Variants in CTR9 observed in about 807,000 individuals in gnomAD.
The protein encoded by CTR9 is RNA polymerase-associated protein CTR9 homolog.
CTR9 carries 41 observed loss-of-function variants against 152.1 expected under a neutral mutation model. The observed-to-expected ratio is 0.27, with a 90% confidence interval of 0.21 to 0.35. The LOEUF is 0.35. Ranked by LOEUF, CTR9 falls within the 10% of genes least tolerant of loss-of-function variation. The pLI, the probability that CTR9 is intolerant of heterozygous loss-of-function variation, is 1.00. For missense variants in CTR9, 917 were observed against 1,424.4 expected, an observed-to-expected ratio of 0.64 and a Z score of 5.73; for synonymous variants, 476 against 496.2, an observed-to-expected ratio of 0.96 and a Z score of 0.54.
At position 10,768,345 on chromosome 11, in the gene CTR9, G is replaced by A; in HGVS notation, c.1963G>A (p.Ala655Thr). The A allele has an allele frequency of 1.2e-6, 2 of 1,610,078 alleles. No individual in the cohort carries two copies. The highest frequency in any genetic ancestry group is 8.5e-7 in the Non-Finnish European group (1 of 1,178,948). Reference sequence around the variant, plus strand: ...TGTGAACCTTTTTATATCTTTAGGAGCTGTTTTGGCCCACAAAGGATATTT... The same window carrying A: ...TGTGAACCTTTTTATATCTTTAGGAACTGTTTTGGCCCACAAAGGATATTT... ...KNLYAANGIG[A>T]VLAHKGYFRE... Residue 655 changes from alanine to threonine, a missense_variant and splice_region_variant, in exon 16 of 25, where the codon GCT becomes ACT. Coordinates refer to ENST00000361367, the MANE Select transcript of CTR9 (RefSeq NM_014633.5).
rs1335425125 is a variant in CTR9, at chr11:10,779,328, CA to C, written c.*224del. On this transcript the variant is annotated 3_prime_UTR_variant, in exon 25 of 25. Transcript: ENST00000361367. The stretch of plus-strand genomic sequence containing the variant: ...GAGACTATTCTTTGTGGTACAATTC[CA>C]CCTATCATATGTGAAAACTGCAGTA... 1 of 490,120 alleles carries C rather than the reference CA, an allele frequency of 2.0e-6. No individual in the cohort carries two copies. The allele number at this position is 490,120 out of a possible 1,614,324, so 30.4% of individuals were successfully genotyped here. A position where few individuals can be genotyped will look rare whatever the true frequency, so the allele number is the denominator to read the frequency against.
intron 3 of CTR9, 52 bp from the exon 4 acceptor site, chr11:10,755,626 A>G: frequency 8.8e-7 from 1 of 1,140,250 alleles, no homozygotes; most frequent in African/African-American, 1.5e-5. Context: ...CTTTAGTGTT[A>G]CATGTTCATG....
intron 24 of CTR9, among the ~76,000 whole-genome samples, chr11:10,775,843 CTG>C (rs757301634): frequency 6.6e-5 from 10 of 152,252 alleles, no homozygotes; most frequent in Non-Finnish European, 1.5e-4. Context: ...TTCTTAGAAT[CTG>C]AGAGCTGGAA....
In CTR9 at chr11:10,773,124, T is replaced by G; in HGVS notation, c.2581-3T>G. ...GTTTCTTTTCTACCATTTTTCCTCATAGGAAGAGAAACGTCTCAGAGAAAA... is the reference window on the plus strand; with the variant it reads ...GTTTCTTTTCTACCATTTTTCCTCAGAGGAAGAGAAACGTCTCAGAGAAAA... On this transcript the variant is annotated splice_polypyrimidine_tract_variant and splice_region_variant and intron_variant, in intron 20 of 24. Coordinates refer to ENST00000361367, the MANE Select transcript of CTR9 (RefSeq NM_014633.5). 1 of 1,590,824 alleles carries G rather than the reference T, an allele frequency of 6.3e-7. No individual in the cohort carries two copies. The highest frequency in any genetic ancestry group is 8.5e-7 in the Non-Finnish European group (1 of 1,174,676).
intron 18 of CTR9, 40 bp from the exon 19 acceptor site, chr11:10,771,505 C>T (rs777985712): frequency 7.2e-7 from 1 of 1,380,932 alleles, no homozygotes; most frequent in Admixed American, 1.7e-5. Context: ...TCATTAGAAT[C>T]TCTTTTTTTA....
At chr11:10,771,739 CT>C in intron 19 of CTR9, 123 bp downstream of exon 19, 1 of 656,736 alleles carries the variant, frequency 1.5e-6, no homozygotes, top group East Asian at 2.6e-5. Context: ...TCACACTTCT[CT>C]TGGGGACTCT....
intron 13 of CTR9, 24 bp downstream of exon 13, chr11:10,766,514 T>G (rs769347073): frequency 3.4e-6 from 5 of 1,475,694 alleles, no homozygotes; most frequent in African/African-American, 2.9e-5. Context: ...ACTCTTAGGT[T>G]TGAGAAATAA....
Position 10,779,418 on chromosome 11 carries a change from A to C in CTR9, c.*313A>C, listed in dbSNP as rs901489867. On this transcript the variant is annotated 3_prime_UTR_variant, in exon 25 of 25. Coordinates refer to ENST00000361367, the MANE Select transcript of CTR9 (RefSeq NM_014633.5). Reference sequence around the variant, plus strand: ...TGACTGAAACTGTGGCAGATGTCTCATCTTCTTTATATGTTAAGCAGCATA... The same window carrying C: ...TGACTGAAACTGTGGCAGATGTCTCCTCTTCTTTATATGTTAAGCAGCATA... The C allele has an allele frequency of 3.1e-5, 8 of 261,796 alleles. No individual in the cohort carries two copies. Among genetic ancestry groups the C allele is most frequent in the Non-Finnish European group, 5.2e-5 (7 of 135,864 alleles). The allele number at this position is 261,796 out of a possible 1,614,324, so 16.2% of individuals were successfully genotyped here.
chr11:10,751,279 G>C lies in CTR9; in HGVS notation c.-134G>C. The C allele has an allele frequency of 1.1e-6, 1 of 916,464 alleles. No homozygotes were observed. The highest frequency in any genetic ancestry group is 1.7e-6 in the Non-Finnish European group (1 of 585,400). The allele number at this position is 916,464 out of a possible 1,614,324, so 56.8% of individuals were successfully genotyped here. On this transcript the variant is annotated 5_prime_UTR_variant, in exon 1 of 25. Coordinates refer to ENST00000361367, the MANE Select transcript of CTR9 (RefSeq NM_014633.5). The stretch of plus-strand genomic sequence containing the variant: ...AGCGGCTGACGGGAAGGAGAAGCCA[G>C]AGCTCCAGCGGCGCCGCGGGGCGGC...
In CTR9 at chr11:10,751,315, A is replaced by T. The variant is rs1486474127; in HGVS notation, c.-98A>T. On this transcript the variant is annotated 5_prime_UTR_variant, in exon 1 of 25. Coordinates refer to ENST00000361367, the MANE Select transcript of CTR9 (RefSeq NM_014633.5). Reference sequence around the variant, plus strand: ...GCGCCGCGGGGCGGCAGTCAAGACCAGAGCCGGAGCCGTCACTCACCTCTG... The same window carrying T: ...GCGCCGCGGGGCGGCAGTCAAGACCTGAGCCGGAGCCGTCACTCACCTCTG... 1.1e-5 allele frequency: 15 copies of T among 1,321,002 alleles called. No homozygotes were observed. Among genetic ancestry groups the T allele is most frequent in the Non-Finnish European group, 1.4e-5 (13 of 923,076 alleles). The allele number at this position is 1,321,002 out of a possible 1,614,324, so 81.8% of individuals were successfully genotyped here. A position where few individuals can be genotyped will look rare whatever the true frequency, so the allele number is the denominator to read the frequency against.
At chr11:10,764,852 A>G in intron 12 of CTR9, 121 bp downstream of exon 12, 1 of 879,566 alleles carries the variant, frequency 1.1e-6, no homozygotes, top group Non-Finnish European at 1.7e-6. Context: ...TAATGTCCCC[A>G]TTTCTCCAGG....
chr11:10,771,179 G>T (rs1863137780), intron 18 of CTR9, among the ~76,000 whole-genome samples: 1 of 152,132 alleles, frequency 6.6e-6, no homozygotes, highest in African/African-American at 2.4e-5. Flanking sequence ...ATCTCTTCAG[G>T]TTTTGTCCAA....
intron 4 of CTR9, 34 bp from the exon 5 acceptor site, chr11:10,756,715 C>A: frequency 6.8e-7 from 1 of 1,460,392 alleles, no homozygotes; most frequent in South Asian, 1.2e-5. Flanking sequence ...AGCCTTTAAT[C>A]AGACACTGTG....
intron 4 of CTR9, 53 bp from the exon 5 acceptor site, chr11:10,756,691 CATAAT>C (rs1862889649): frequency 1.6e-6 from 2 of 1,222,052 alleles, no homozygotes; most frequent in Non-Finnish European, 2.4e-6. Flanking sequence ...TAGTGTAAAA[CATAAT>C]AGACTTGTAG....
chr11:10,753,522 A>G (rs952849051), intron 2 of CTR9, among the ~76,000 whole-genome samples: 2 of 152,038 alleles, frequency 1.3e-5, no homozygotes, highest in Admixed American at 6.6e-5. Context: ...AGACTGCTCT[A>G]AGAGTTTCTT....
intron 16 of CTR9, among the ~76,000 whole-genome samples, chr11:10,769,426 C>T (rs1207893037): frequency 6.6e-6 from 1 of 152,104 alleles, no homozygotes. Flanking sequence ...ACAAAAAGAG[C>T]AGTCCAGGCT....
chr11:10,762,096 G>T (rs768620591), intron 7 of CTR9, 42 bp downstream of exon 7: 1 of 1,120,110 alleles, frequency 8.9e-7, no homozygotes, highest in Non-Finnish European at 1.3e-6. Flanking sequence ...TTGTTTTTCT[G>T]TACTGCAATT....
Position 10,779,169 on chromosome 11 carries a change from A to G in CTR9, c.*64A>G, listed in dbSNP as rs774035212. 9.2e-5 allele frequency: 136 copies of G among 1,480,178 alleles called. 1 individual carries two copies. Among genetic ancestry groups the G allele is most frequent in the Admixed American group, 4.6e-4 (20 of 43,446 alleles). The allele number at this position is 1,480,178 out of a possible 1,614,324, so 91.7% of individuals were successfully genotyped here. A position where few individuals can be genotyped will look rare whatever the true frequency, so the allele number is the denominator to read the frequency against. ...TTTTTTAATATATGAAAGCTGTGAT[A>G]AAAATGTTTCAGATGTTTAGTCAAT... On this transcript the variant is annotated 3_prime_UTR_variant, in exon 25 of 25. Transcript: ENST00000361367.
chr11:10,762,151 T>C (rs1012764019), intron 7 of CTR9, 97 bp downstream of exon 7: 27 of 769,542 alleles, frequency 3.5e-5, no homozygotes, highest in Non-Finnish European at 5.1e-5. Flanking sequence ...TTTGAAAATG[T>C]CAGATTTTTT....
Sources: allele counts gnomAD v4.1 joint callset (sites outside exome capture counted in the v4.1 genomes callset), GRCh38; gene constraint gnomAD v4.1.1; transcripts MANE v1.5; gene names NCBI Gene and HGNC (gene_info 2026-07-23, HGNC 2026-07-21).